Variants in STAT6 observed in about 807,000 individuals in gnomAD.
STAT6 encodes the protein STAT, interleukin4-induced.
A neutral mutation model predicts 106.3 loss-of-function variants in STAT6; 45 were observed. The observed-to-expected ratio is 0.42, with a 90% confidence interval of 0.33 to 0.54. The LOEUF (loss-of-function observed/expected upper bound fraction) is 0.54, where lower values mean the gene tolerates loss of function less well. Ranked by LOEUF, STAT6 falls within the 20% of genes least tolerant of loss-of-function variation. STAT6 has a pLI of 0.06. For missense variants in STAT6, 797 were observed against 1,062.2 expected (o/e 0.75, Z 3.47); for synonymous variants, 413 against 413.6 (o/e 1.00, Z 0.02).
chr12:57,096,494 G>T lies in STAT6; in HGVS notation c.*78C>A. On this transcript the variant is annotated 3_prime_UTR_variant, in exon 22 of 22. Coordinates refer to ENST00000300134, the MANE Select transcript of STAT6 (RefSeq NM_003153.5). Reference sequence around the variant, plus strand: ...CACCCTCCCCATCTGCTGCTTGGCAGGGCATGAGCAAGTGTCCAGAGCAGG... The same window carrying T: ...CACCCTCCCCATCTGCTGCTTGGCATGGCATGAGCAAGTGTCCAGAGCAGG... 7.2e-7 allele frequency: 1 copy of T among 1,391,802 alleles called. No homozygotes were observed. The highest frequency in any genetic ancestry group is 9.7e-7 in the Non-Finnish European group (1 of 1,027,782). The allele number at this position is 1,391,802 out of a possible 1,614,324, so 86.2% of individuals were successfully genotyped here.
rs2033628828 is a variant in STAT6 at position 57,098,829 on chromosome 12, CAG to C, written c.2027_2028del (p.Pro676ArgfsTer61). On this transcript the variant is annotated frameshift_variant, in exon 18 of 22. Transcript: ENST00000300134. LOFTEE classifies it high-confidence loss of function. ...MVPSYDLGMA[P>X]DSSMSMQLGP... ...CCAAGCTGCATGCTCATGGAGGAATCAGGGGCCATTCCAAGGTCATAAGAAGG... is the reference window on the plus strand; with the variant it reads ...CCAAGCTGCATGCTCATGGAGGAATCGGGCCATTCCAAGGTCATAAGAAGG... 1.2e-6 allele frequency: 2 copies of C among 1,613,210 alleles called. No homozygotes were observed. Among genetic ancestry groups the C allele is most frequent in the Non-Finnish European group, 1.7e-6 (2 of 1,179,792 alleles).
Position 57,107,695 on chromosome 12 carries a change from G to A in STAT6, c.165C>T (p.Ala55=). The stretch of plus-strand genomic sequence containing the variant: ...GGTGCTGGACAGTGTCTGAAAGTAG[G>A]GCACTAGCCAAGTTGCAGCAGAAGG... ...SDAFCCNLAS[A]LLSDTVQHLQ... Residue 55 remains alanine (A), a synonymous_variant, in exon 3 of 22, where the codon GCC becomes GCT. Transcript: ENST00000300134. The A allele has an allele frequency of 1.2e-6, 2 of 1,614,104 alleles. No homozygotes were observed. Among genetic ancestry groups the A allele is most frequent in the East Asian group, 2.2e-5 (1 of 44,864 alleles).
At position 57,106,728 on chromosome 12, in the gene STAT6, C is replaced by T. The variant is rs773043322; in HGVS notation, c.443G>A (p.Arg148Gln). ...CTCAGCCCCCTTCTGCAGGGCTTCT[C>T]GGAGAAGGTGGATCTCCCCTACTCG... ...QHRVGEIHLL[R>Q]EALQKGAEAG... The change falls in exon 5 of 22, where the codon CGA becomes CAA. Residue 148 changes from arginine (R) to glutamine (Q), a missense_variant. Physicochemically the swap from Arg to Gln is conservative, Grantham distance 43. Coordinates refer to ENST00000300134, the MANE Select transcript of STAT6 (RefSeq NM_003153.5). The T allele has an allele frequency of 1.5e-5, 25 of 1,614,032 alleles. No homozygotes were observed. The highest frequency in any genetic ancestry group is 1.9e-5 in the Non-Finnish European group (23 of 1,180,042).
intron 7 of STAT6, chr12:57,105,957 G>T: frequency 1.4e-6 from 1 of 691,846 alleles, no homozygotes; most frequent in Non-Finnish European, 2.3e-6. Context: ...CATGGGGCTT[G>T]AGGAGAGAAG....
chr12:57,105,620 A>G (rs999745820), intron 7 of STAT6, 21 bp from the exon 8 acceptor site: 10 of 1,612,596 alleles, frequency 6.2e-6, no homozygotes, highest in Non-Finnish European at 7.6e-6. Context: ...GACAGTGGTC[A>G]GGGGGCACAG....
intron 19 of STAT6, among the ~76,000 whole-genome samples, chr12:57,098,142 C>A (rs558806053): frequency 6.6e-5 from 10 of 152,312 alleles, no homozygotes; most frequent in African/African-American, 2.4e-4. Context: ...TGATCCACGA[C>A]TGGACTTACA....
chr12:57,101,181 C>T (rs2033906277), intron 13 of STAT6, among the ~76,000 whole-genome samples: 2 of 151,680 alleles, frequency 1.3e-5, no homozygotes, highest in Admixed American at 1.3e-4. Context: ...CTCTGCCTCC[C>T]AGGTTCAAGT....
chr12:57,100,440 C>A (rs2033750480), intron 13 of STAT6, among the ~76,000 whole-genome samples: 1 of 152,010 alleles, frequency 6.6e-6, no homozygotes, highest in African/African-American at 2.4e-5. Flanking sequence ...CATTCTGGCC[C>A]TGGAGCCCCT....
intron 1 of STAT6, among the ~76,000 whole-genome samples, chr12:57,109,016 G>A (rs1020684360): frequency 2.6e-5 from 4 of 152,122 alleles, no homozygotes; most frequent in Non-Finnish European, 5.9e-5. Context: ...GGCTAACACA[G>A]TGAAACCCCA....
At chr12:57,109,497 G>GT (rs1178039914) in intron 1 of STAT6, among the ~76,000 whole-genome samples, 4 of 152,214 alleles carry the variant, frequency 2.6e-5, no homozygotes, top group Non-Finnish European at 5.9e-5. Context: ...CCATCGCACT[G>GT]TGTTGTTAGG....
intron 1 of STAT6, 76 bp from the exon 2 acceptor site, chr12:57,108,375 C>T (rs2034402448): frequency 2.6e-6 from 2 of 762,814 alleles, no homozygotes; most frequent in African/African-American, 3.4e-5. Flanking sequence ...CCAGGGACCT[C>T]CCATAGATAG....
chr12:57,107,696 G>A lies in STAT6; in HGVS notation c.164C>T (p.Ala55Val). 1 of 1,614,152 alleles carries A rather than the reference G, an allele frequency of 6.2e-7. No individual in the cohort carries two copies. Among genetic ancestry groups the A allele is most frequent in the Non-Finnish European group, 8.5e-7 (1 of 1,180,038 alleles). Reference protein sequence around the residue: ...SDAFCCNLASALLSDTVQHLQ... With the variant: ...SDAFCCNLASVLLSDTVQHLQ... Reference sequence around the variant, plus strand: ...GTGCTGGACAGTGTCTGAAAGTAGGGCACTAGCCAAGTTGCAGCAGAAGGC... The same window carrying A: ...GTGCTGGACAGTGTCTGAAAGTAGGACACTAGCCAAGTTGCAGCAGAAGGC... Residue 55 changes from alanine to valine, a missense_variant, in exon 3 of 22, where the codon GCC becomes GTC. Physicochemically the swap from Ala to Val is moderately conservative, Grantham distance 64. Coordinates refer to ENST00000300134, the MANE Select transcript of STAT6 (RefSeq NM_003153.5).
At position 57,096,565 on chromosome 12, in the gene STAT6, G is replaced by T; in HGVS notation, c.*7C>A. ...GCTGTCTCTTTGGGTTCTCCCTCCA[G>T]CTGGGATCACCAACTGGGGTTGGCC... On this transcript the variant is annotated 3_prime_UTR_variant, in exon 22 of 22. Transcript: ENST00000300134. The T allele has an allele frequency of 6.3e-7, 1 of 1,578,302 alleles. No homozygotes were observed.
In STAT6 at chr12:57,096,640, G is replaced by A; in HGVS notation, c.2476C>T (p.Pro826Ser). Residue 826 changes from proline (P) to serine (S), a missense_variant, in exon 22 of 22, where the codon CCC becomes TCC. Physicochemically the swap from Pro to Ser is moderately conservative, Grantham distance 74. Coordinates refer to ENST00000300134, the MANE Select transcript of STAT6 (RefSeq NM_003153.5). ...GSLGAQPLLQPSHYGQSGISM... is the reference protein window; with the variant it reads ...GSLGAQPLLQSSHYGQSGISM... ...ATCCCAGATTGCCCATAGTGGGAGGGCTGCAGGAGGGGCTGTGCCCCCAAG... is the reference window on the plus strand; with the variant it reads ...ATCCCAGATTGCCCATAGTGGGAGGACTGCAGGAGGGGCTGTGCCCCCAAG... The A allele has an allele frequency of 6.2e-7, 1 of 1,608,382 alleles. No individual in the cohort carries two copies. The highest frequency in any genetic ancestry group is 8.5e-7 in the Non-Finnish European group (1 of 1,178,202).
chr12:57,109,118 C>T (rs746474091), intron 1 of STAT6, among the ~76,000 whole-genome samples: 10 of 152,092 alleles, frequency 6.6e-5, no homozygotes, highest in Non-Finnish European at 1.2e-4. Context: ...GACAGAATGG[C>T]GTGAACCTGG....
rs1447559824 is a variant in STAT6 at position 57,104,773 on chromosome 12, C to T, written c.1042G>A (p.Glu348Lys). Reference protein sequence around the residue: ...GEIINNTVPLENSIPGNCCSA... With the variant: ...GEIINNTVPLKNSIPGNCCSA... ...CAGCAGTTCCCAGGAATGCTGTTCT[C>T]CAAGGGCACAGTGTTGTTGATGATT... The change falls in exon 10 of 22, where the codon GAG becomes AAG. Residue 348 changes from glutamate (E) to lysine (K), a missense_variant. Physicochemically the swap from Glu to Lys is moderately conservative, Grantham distance 56. This residue lies in a region of STAT6 where 336 missense variants were observed against 429.8 expected (regional missense o/e 0.78). Coordinates refer to ENST00000300134, the MANE Select transcript of STAT6 (RefSeq NM_003153.5). The T allele has an allele frequency of 1.2e-6, 2 of 1,614,106 alleles. No individual in the cohort carries two copies.
rs1280881020 is a variant in STAT6 at position 57,105,158 on chromosome 12, C to T, written c.994G>A (p.Ala332Thr). ...RELSVPQGPG[A>T]GAESTGEIIN... ...GGTCCAATCCCAGCTTACGCTCCAG[C>T]CCCAGGACCCTGAGGCACACTCAGC... The change falls in exon 9 of 22, where the codon GCT (alanine) becomes ACT (threonine). Residue 332 changes from alanine (A) to threonine (T), a missense_variant. Around this residue, in one of 4 missense-constraint regions of STAT6, gnomAD observed 336 missense variants for 429.8 expected, o/e 0.78. Coordinates refer to ENST00000300134, the MANE Select transcript of STAT6 (RefSeq NM_003153.5). The T allele has an allele frequency of 5.0e-6, 8 of 1,611,370 alleles. No individual in the cohort carries two copies. The highest frequency in any genetic ancestry group is 6.8e-6 in the Non-Finnish European group (8 of 1,178,632).
chr12:57,109,100 G>C (rs2034444600), intron 1 of STAT6, among the ~76,000 whole-genome samples: 1 of 152,164 alleles, frequency 6.6e-6, no homozygotes, highest in African/African-American at 2.4e-5. Context: ...TACTGGGGAG[G>C]CTGAGGTGAC....
At chr12:57,108,518 C>T (rs980301072) in intron 1 of STAT6, among the ~76,000 whole-genome samples, 16 of 148,594 alleles carry the variant, frequency 1.1e-4, no homozygotes, top group African/African-American at 4.0e-4. Context: ...GAGCTGTAGC[C>T]AGAGGGATGG....
Sources: allele counts gnomAD v4.1 joint callset (sites outside exome capture counted in the v4.1 genomes callset), GRCh38; gene constraint gnomAD v4.1.1; regional missense constraint gnomAD v4.1.1; transcripts MANE v1.5; gene names NCBI Gene and HGNC (gene_info 2026-07-23, HGNC 2026-07-21).